CIMIP6: variants seen among roughly 807,000 people sequenced by gnomAD.
CIMIP6 encodes the protein ciliary microtubule inner protein 6.
At chr2:54,373,051 C>T in the CIMIP6 span, among the ~76,000 whole-genome samples, 1 of 152,120 alleles carries the variant, frequency 6.6e-6, no homozygotes, top group African/African-American at 2.4e-5. Context: ...CAGTGGTCTC[C>T]TACTGACCTG....
chr2:54,355,504 G>C, the CIMIP6 span, among the ~76,000 whole-genome samples: 2 of 152,068 alleles, frequency 1.3e-5, no homozygotes, highest in African/African-American at 2.4e-5. Flanking sequence ...AATCTGAGGT[G>C]TTTGAGCTTT....
At chr2:54,349,174 C>T in the CIMIP6 span, among the ~76,000 whole-genome samples, 1 of 152,088 alleles carries the variant, frequency 6.6e-6, no homozygotes, top group Non-Finnish European at 1.5e-5. Context: ...TGTGTTGCTT[C>T]TTTTGCACCA....
the CIMIP6 span, among the ~76,000 whole-genome samples, chr2:54,354,515 A>T: frequency 2.6e-5 from 4 of 152,020 alleles, no homozygotes; most frequent in African/African-American, 9.7e-5. Flanking sequence ...CAGAATTTAA[A>T]TTTTTTCTCT....
chr2:54,335,096 C>A, the CIMIP6 span: 1 of 1,250,836 alleles, frequency 8.0e-7, no homozygotes, highest in South Asian at 1.5e-5. Context: ...AATTTGGTCA[C>A]AGACTATAAA....
chr2:54,363,778 A>G, the CIMIP6 span, among the ~76,000 whole-genome samples: 15 of 152,146 alleles, frequency 9.9e-5, no homozygotes, highest in Non-Finnish European at 1.8e-4. Flanking sequence ...TCAGTCCACC[A>G]TCTTGAGTCA....
the CIMIP6 span, chr2:54,335,023 A>G: frequency 6.3e-7 from 1 of 1,588,142 alleles, no homozygotes; most frequent in Non-Finnish European, 8.6e-7. Context: ...CCAGAAATAC[A>G]GGTTGGACAG....
chr2:54,377,780 G>A, the CIMIP6 span, among the ~76,000 whole-genome samples: 3 of 152,194 alleles, frequency 2.0e-5, no homozygotes, highest in Non-Finnish European at 2.9e-5. Context: ...GAAAGGCACA[G>A]ATGTTGGAGT....
chr2:54,349,207 TAC>T, the CIMIP6 span, among the ~76,000 whole-genome samples: 2 of 152,184 alleles, frequency 1.3e-5, no homozygotes, highest in Non-Finnish European at 2.9e-5. Flanking sequence ...AATTTTTTGC[TAC>T]AGTTATGCTT....
chr2:54,360,817 C>A, the CIMIP6 span: 1 of 327,910 alleles, frequency 3.0e-6, no homozygotes, highest in Non-Finnish European at 5.5e-6. Flanking sequence ...AACACATGAT[C>A]GTAATTAACA....
the CIMIP6 span, among the ~76,000 whole-genome samples, chr2:54,347,690 A>G: frequency 1.3e-5 from 2 of 152,108 alleles, no homozygotes; most frequent in Non-Finnish European, 2.9e-5. Flanking sequence ...TTGCCCAGAG[A>G]GAAATCCTCC....
the CIMIP6 span, among the ~76,000 whole-genome samples, chr2:54,333,855 T>C: frequency 2.0e-5 from 3 of 152,120 alleles, no homozygotes; most frequent in Admixed American, 6.5e-5. Flanking sequence ...ATAGCACCAC[T>C]GCACTCCTGC....
the CIMIP6 span, among the ~76,000 whole-genome samples, chr2:54,380,303 T>C: frequency 6.6e-6 from 1 of 152,192 alleles, no homozygotes; most frequent in Admixed American, 6.5e-5. Flanking sequence ...ACTAATGTAT[T>C]GATGAGACAA....
the CIMIP6 span, chr2:54,343,639 C>T: frequency 9.9e-7 from 1 of 1,007,824 alleles, no homozygotes; most frequent in Non-Finnish European, 1.4e-6. Flanking sequence ...AATTGAATTA[C>T]TGAATATCCA....
chr2:54,363,001 A>G, the CIMIP6 span, among the ~76,000 whole-genome samples: 1 of 152,210 alleles, frequency 6.6e-6, no homozygotes, highest in Non-Finnish European at 1.5e-5. Flanking sequence ...TATATTTAAT[A>G]TCCAATCTAT....
At chr2:54,361,604 T>C in the CIMIP6 span, 1 of 152,212 alleles carries the variant, frequency 6.6e-6, no homozygotes, top group Non-Finnish European at 1.5e-5. Flanking sequence ...TTATATTTTT[T>C]TGTGTTGGGG....
chr2:54,361,996 T>C, the CIMIP6 span, among the ~76,000 whole-genome samples: 3 of 152,138 alleles, frequency 2.0e-5, no homozygotes, highest in African/African-American at 7.2e-5. Context: ...GCAAGAAAAT[T>C]TGCCTCTGCC....
At chr2:54,332,332 C>T in the CIMIP6 span, among the ~76,000 whole-genome samples, 1 of 152,218 alleles carries the variant, frequency 6.6e-6, no homozygotes, top group Non-Finnish European at 1.5e-5. Context: ...TTTACTTTTT[C>T]ATCCGCCTTT....
At chr2:54,361,969 A>G in the CIMIP6 span, among the ~76,000 whole-genome samples, 10 of 152,334 alleles carry the variant, frequency 6.6e-5, no homozygotes, top group Admixed American at 5.2e-4. Context: ...CACTCCACTC[A>G]TATAACCAGG....
the CIMIP6 span, among the ~76,000 whole-genome samples, chr2:54,332,147 A>T: frequency 3.3e-5 from 5 of 152,110 alleles, no homozygotes; most frequent in Non-Finnish European, 7.4e-5. Flanking sequence ...ACTCTGCTAG[A>T]ATGCTTTTCC....
Sources: allele counts gnomAD v4.1 joint callset (sites outside exome capture counted in the v4.1 genomes callset), GRCh38; gene constraint gnomAD v4.1.1; transcripts MANE v1.5; gene names NCBI Gene and HGNC (gene_info 2026-07-23, HGNC 2026-07-21).